The following BRCA1 variants were observed in gnomAD, a reference collection of about 807,000 sequenced individuals.
BRCA1 encodes the protein breast cancer type 1 susceptibility protein.
In BRCA1, 140 loss-of-function variants were observed where a neutral mutation model predicts 173.7. The ratio of observed to expected loss-of-function variants is 0.81; its 90% CI spans 0.70 to 0.93. The LOEUF (loss-of-function observed/expected upper bound fraction) is 0.93. BRCA1 is among the 40% of genes least tolerant of loss of function. BRCA1 has a pLI of 0.00. For missense variants in BRCA1, 1,983 were observed against 2,172.5 expected, an observed-to-expected ratio of 0.91 and a Z score of 1.73; for synonymous variants, 662 against 756.0, an observed-to-expected ratio of 0.88 and a Z score of 2.04.
intron 21 of BRCA1, 94 bp from the exon 22 acceptor site, chr17:43,047,797 G>T: frequency 1.5e-6 from 2 of 1,350,770 alleles, no homozygotes; most frequent in Non-Finnish European, 1.0e-6. Context: ...TTTGAGACAG[G>T]GTCTTGCTCT....
chr17:43,155,994 T>C (rs1430529850), intron 1 of BRCA1, among the ~76,000 whole-genome samples: 1 of 152,122 alleles, frequency 6.6e-6, no homozygotes. Flanking sequence ...CCCAGCACTT[T>C]GGGAGTCTGA....
chr17:43,098,045 T>C (rs926569247), intron 7 of BRCA1, among the ~76,000 whole-genome samples: 2 of 151,312 alleles, frequency 1.3e-5, no homozygotes, highest in African/African-American at 4.8e-5. Flanking sequence ...TTTTTTTTTT[T>C]TGGAGGTCTT....
chr17:43,066,388 T>A (rs2052071064), intron 16 of BRCA1, among the ~76,000 whole-genome samples: 1 of 151,936 alleles, frequency 6.6e-6, no homozygotes, highest in South Asian at 2.1e-4. Flanking sequence ...GAAGCTGGGG[T>A]CTCCAGGTTT....
intron 2 of BRCA1, among the ~76,000 whole-genome samples, chr17:43,118,640 A>T (rs2055406294): frequency 6.6e-6 from 1 of 151,948 alleles, no homozygotes; most frequent in African/African-American, 2.4e-5. Context: ...TCTCACTATG[A>T]TGCCCATGCT....
intron 1 of BRCA1, among the ~76,000 whole-genome samples, chr17:43,151,459 A>G (rs1158118752): frequency 1.3e-5 from 2 of 152,298 alleles, no homozygotes; most frequent in East Asian, 3.9e-4. Context: ...GCATGCCTAT[A>G]TTCCTAGCTC....
Position 43,132,770 on chromosome 17 carries a change from AT to A in BRCA1, c.-19-8656del, listed in dbSNP as rs111715139. 249 of 118,806 alleles carry A rather than the reference AT, an allele frequency of 2.1e-3. 2 individuals carry two copies. Among genetic ancestry groups the A allele is most frequent in the African/African-American group, 7.6e-3 (225 of 29,644 alleles). The allele number at this position is 118,806 out of a possible 1,614,324, so 7.4% of individuals were successfully genotyped here. On this transcript the variant is annotated intron_variant, in intron 1 of 7. Coordinates refer to the BRCA1 transcript ENST00000634433. ...ATTCTTTTTTTCTTTATTTTATTTT[AT>A]TTTTTTTTTTGAGATGGAGTCTCGC...
chr17:43,100,691 AT>A (rs1262906046), intron 6 of BRCA1, among the ~76,000 whole-genome samples: 1 of 101,090 alleles, frequency 9.9e-6, no homozygotes, highest in Non-Finnish European at 1.8e-5. Context: ...ATATATATAT[AT>A]ATATATATAT....
At chr17:43,132,075 T>A (rs1157844116) in intron 1 of BRCA1, among the ~76,000 whole-genome samples, 1 of 152,188 alleles carries the variant, frequency 6.6e-6, no homozygotes, top group African/African-American at 2.4e-5. Context: ...TGAGCCATTG[T>A]GCCCAGCCAG....
intron 8 of BRCA1, 88 bp downstream of exon 8, chr17:43,097,156 T>C: frequency 7.5e-7 from 1 of 1,341,498 alleles, no homozygotes; most frequent in Non-Finnish European, 1.1e-6. Flanking sequence ...AAAGTTAAAA[T>C]ATTTTTAAAA....
chr17:43,095,741 G>T, intron 9 of BRCA1, 105 bp downstream of exon 9: 4 of 916,586 alleles, frequency 4.4e-6, no homozygotes, highest in South Asian at 1.4e-5. Context: ...AAGAGATTTT[G>T]TGGGTTGTAA....
At chr17:43,150,941 TC>T (rs1358948211) in intron 1 of BRCA1, among the ~76,000 whole-genome samples, 1 of 152,100 alleles carries the variant, frequency 6.6e-6, no homozygotes, top group Non-Finnish European at 1.5e-5. Flanking sequence ...CAGGGAGGTG[TC>T]CTTTATGAGG....
At chr17:43,112,202 G>C (rs2055066759) in intron 3 of BRCA1, among the ~76,000 whole-genome samples, 1 of 151,814 alleles carries the variant, frequency 6.6e-6, no homozygotes, top group African/African-American at 2.4e-5. Flanking sequence ...AGGTTCCTCT[G>C]CCTCAGCCTC....
intron 3 of BRCA1, among the ~76,000 whole-genome samples, chr17:43,109,960 T>G (rs1297155319): frequency 2.0e-5 from 3 of 151,564 alleles, no homozygotes; most frequent in Non-Finnish European, 4.4e-5. Flanking sequence ...AGTGGCACAA[T>G]CTCTGCTCAC....
In BRCA1 at chr17:43,063,911, T is replaced by G. The variant is rs772885662; in HGVS notation, c.5115A>C (p.Leu1705=). 2 of 1,614,104 alleles carry G rather than the reference T, an allele frequency of 1.2e-6. No homozygotes were observed. Among genetic ancestry groups the G allele is most frequent in the South Asian group, 2.2e-5 (2 of 91,076 alleles). Residue 1705 remains leucine (L), a synonymous_variant, in exon 17 of 23, where the codon CTA becomes CTC. Coordinates refer to ENST00000357654, the MANE Select transcript of BRCA1 (RefSeq NM_007294.4). ...CTACCCATTTTCCTCCCGCAATTCC[T>G]AGAAAATATTTCAGTGTCCGTTCAC... ...FVCERTLKYF[L]GIAGGKWVVS...
At position 43,067,617 on chromosome 17, in the gene BRCA1, TAAC is replaced by T. The variant is rs80358344; in HGVS notation, c.5062_5064del (p.Val1688del). ...AAGGTTCTTGGTATACCTGTTTTCA[TAAC>T]AACATGAGTAGTCTCTTCAGTAATT... is the stretch of plus-strand genomic sequence containing the variant. On this transcript the variant is annotated inframe_deletion, in exon 16 of 23. Coordinates refer to ENST00000357654, the MANE Select transcript of BRCA1 (RefSeq NM_007294.4). 6.2e-7 allele frequency: 1 copy of T among 1,611,290 alleles called. No homozygotes were observed. Among genetic ancestry groups the T allele is most frequent in the Non-Finnish European group, 8.5e-7 (1 of 1,177,460 alleles).
At chr17:43,139,615 A>G (rs1483938856) in intron 1 of BRCA1, among the ~76,000 whole-genome samples, 5 of 151,992 alleles carry the variant, frequency 3.3e-5, no homozygotes, top group Non-Finnish European at 5.9e-5. Context: ...CGGCCTCCCA[A>G]AGTGCTGGGA....
intron 4 of BRCA1, 133 bp from the exon 5 acceptor site, chr17:43,105,089 A>G (rs913217613): frequency 1.4e-6 from 1 of 710,600 alleles, no homozygotes; most frequent in Non-Finnish European, 2.4e-6. Context: ...TAATCAATAC[A>G]TCATTGACAT....
chr17:43,170,211 CCA>C (rs2056319700), exon 1 of BRCA1: 1 of 190,926 alleles, frequency 5.2e-6, no homozygotes, highest in South Asian at 7.8e-5. Context: ...GAAAGGGGTT[CCA>C]CAGTTTTAAT....
chr17:43,057,407 A>T (rs1223120679), intron 18 of BRCA1, among the ~76,000 whole-genome samples: 1 of 152,082 alleles, frequency 6.6e-6, no homozygotes, highest in African/African-American at 2.4e-5. Context: ...GCTACTTGGG[A>T]GGCTGAGGCA....
Sources: allele counts gnomAD v4.1 joint callset (sites outside exome capture counted in the v4.1 genomes callset), GRCh38; gene constraint gnomAD v4.1.1; transcripts MANE v1.5; gene names NCBI Gene and HGNC (gene_info 2026-07-23, HGNC 2026-07-21).